The following AGPAT3 variants were observed in gnomAD, a reference collection of about 807,000 sequenced individuals.
AGPAT3 encodes the protein 1-acylglycerol-3-phosphate O-acyltransferase 3, also known as 1-acyl-sn-glycerol-3-phosphate acyltransferase gamma.
AGPAT3 carries 5 observed loss-of-function variants against 47.3 expected under a neutral mutation model. That is an observed-to-expected ratio of 0.11 (90% CI 0.06 to 0.22). AGPAT3 has a LOEUF of 0.22. Ranked by LOEUF, AGPAT3 falls within the 10% of genes least tolerant of loss-of-function variation. AGPAT3 has a pLI of 1.00. For missense variants in AGPAT3, 315 were observed against 493.0 expected (o/e 0.64, Z 3.42); for synonymous variants, 212 against 208.3 (o/e 1.02, Z -0.15).
At chr21:43,914,831 C>T (rs565828583) in intron 2 of AGPAT3, among the ~76,000 whole-genome samples, 5 of 152,246 alleles carry the variant, frequency 3.3e-5, no homozygotes, top group Admixed American at 6.5e-5. Context: ...CCTGAGCCAC[C>T]GTGCCCAGTA....
intron 1 of AGPAT3, among the ~76,000 whole-genome samples, chr21:43,893,846 A>G (rs1050851043): frequency 7.2e-5 from 11 of 152,340 alleles, no homozygotes; most frequent in Non-Finnish European, 1.2e-4. Flanking sequence ...TTATGGTAGG[A>G]ACATCAAAGA....
At chr21:43,883,329 A>G (rs1220830766) in intron 1 of AGPAT3, among the ~76,000 whole-genome samples, 2 of 152,196 alleles carry the variant, frequency 1.3e-5, no homozygotes, top group African/African-American at 4.8e-5. Flanking sequence ...CCCCAGGGAG[A>G]GGGCCTGTCC....
In AGPAT3 at chr21:43,969,112, C is replaced by T. The variant is rs745822084; in HGVS notation, c.349-6C>T. On this transcript the variant is annotated splice_region_variant and splice_polypyrimidine_tract_variant and intron_variant, in intron 4 of 9. Transcript: ENST00000291572. ...TGCCAGGTGCCCCTCCTTCTCCTCC[C>T]TCCAGAGCTCCAAGGTCCTCGCTAA... is the stretch of plus-strand genomic sequence containing the variant. 5.0e-6 allele frequency: 8 copies of T among 1,613,966 alleles called. No homozygotes were observed. In the African/African-American group the frequency reaches 1.1e-4, roughly 22 times the overall value.
chr21:43,926,270 G>A (rs1171627254), intron 2 of AGPAT3, among the ~76,000 whole-genome samples: 2 of 152,194 alleles, frequency 1.3e-5, no homozygotes, highest in Non-Finnish European at 2.9e-5. Context: ...GGTGAAATCT[G>A]GAGTGTTCTT....
intron 7 of AGPAT3, among the ~76,000 whole-genome samples, chr21:43,973,769 C>T (rs117009449): frequency 1.3e-5 from 2 of 152,326 alleles, no homozygotes; most frequent in East Asian, 3.9e-4. Flanking sequence ...TGGGGCTGGC[C>T]CTCTTTCCTC....
At chr21:43,907,008 G>A (rs541777002) in intron 2 of AGPAT3, among the ~76,000 whole-genome samples, 23 of 152,002 alleles carry the variant, frequency 1.5e-4, no homozygotes, top group Admixed American at 1.2e-3. Context: ...AGGGGCTGGC[G>A]AGGGTCTGTT....
At chr21:43,889,674 G>A (rs1472293799) in intron 1 of AGPAT3, among the ~76,000 whole-genome samples, 1 of 152,144 alleles carries the variant, frequency 6.6e-6, no homozygotes, top group Non-Finnish European at 1.5e-5. Context: ...CACCCTGAAC[G>A]TGCCTGATCT....
chr21:43,944,558 C>T (rs1435624283), intron 2 of AGPAT3, among the ~76,000 whole-genome samples: 2 of 152,234 alleles, frequency 1.3e-5, no homozygotes, highest in African/African-American at 2.4e-5. Flanking sequence ...CACTGATTGA[C>T]AGGGGAGAAA....
At position 43,959,768 on chromosome 21, in the gene AGPAT3, C is replaced by A; in HGVS notation, c.87C>A (p.Asn29Lys). The A allele has an allele frequency of 6.2e-7, 1 of 1,613,792 alleles. No individual in the cohort carries two copies. Among genetic ancestry groups the A allele is most frequent in the Non-Finnish European group, 8.5e-7 (1 of 1,179,948 alleles). ...FVFVVSGLVI[N>K]FVQLCTLALW... ...TCGTGGTGAGTGGTCTGGTCATCAA[C>A]TTCGTCCAGCTGTGCACGCTGGCGC... The change falls in exon 3 of 10, where the codon AAC (asparagine) becomes AAA (lysine). Residue 29 changes from asparagine to lysine, a missense_variant. Asn to Lys is a moderately conservative substitution (Grantham distance 94). Transcript: ENST00000291572.
intron 1 of AGPAT3, among the ~76,000 whole-genome samples, chr21:43,867,922 G>A (rs1365926429): frequency 1.3e-5 from 2 of 152,196 alleles, no homozygotes; most frequent in African/African-American, 4.8e-5. Context: ...AAGTGGTAAA[G>A]TAACATGACC....
rs1469586290 is a variant in AGPAT3, at chr21:43,952,893, C to G, written c.-48-6741C>G. Among the ~76,000 whole-genome samples the G allele has an allele frequency of 1.3e-5, 2 of 152,140 alleles. No homozygotes were observed. Among genetic ancestry groups the G allele is most frequent in the African/African-American group, 4.8e-5 (2 of 41,418 alleles). ...CCCACCCTGTGTGGCTCTTCTATCC[C>G]AGGCGTTCTCCAAGGTCCCCAGGGT... is the stretch of plus-strand genomic sequence containing the variant. On this transcript the variant is annotated intron_variant, in intron 2 of 9. Transcript: ENST00000291572. This position sits in a 1 kb window ranked among gnomAD's most constrained non-coding sequence, Gnocchi z 5.6.
At chr21:43,940,598 G>A (rs1000029972) in intron 2 of AGPAT3, among the ~76,000 whole-genome samples, 3 of 152,236 alleles carry the variant, frequency 2.0e-5, no homozygotes, top group Admixed American at 6.5e-5. Flanking sequence ...CATACCATCT[G>A]GGCGGTGTTT....
intron 6 of AGPAT3, 110 bp from the exon 7 acceptor site, chr21:43,971,278 G>A (rs751207877): frequency 1.9e-5 from 17 of 872,264 alleles, no homozygotes; most frequent in South Asian, 1.7e-4. Context: ...GACCCCTCAC[G>A]CGTTCTCCCC....
intron 1 of AGPAT3, among the ~76,000 whole-genome samples, chr21:43,897,549 G>A (rs74569275): frequency 0.06 from 8,394 of 138,892 alleles, 470 homozygotes; most frequent in African/African-American, 0.17. Context: ...CATCCCAGAG[G>A]GGGCGGCCGG....
At chr21:43,941,835 A>G (rs971170678) in intron 2 of AGPAT3, among the ~76,000 whole-genome samples, 2 of 152,276 alleles carry the variant, frequency 1.3e-5, no homozygotes, top group African/African-American at 2.4e-5. Context: ...TGGCTGAGCT[A>G]TGCAGTTTCA....
In AGPAT3 at chr21:43,926,974, G is replaced by GTC. The variant is rs1322437795; in HGVS notation, c.-49+22958_-49+22959dup. On this transcript the variant is annotated intron_variant, in intron 2 of 9. Transcript: ENST00000291572. ...AGTCTAGGCGACAGAGGAAGACTCTGTCTCAAAAAAAAAAAAAAAAAAAAA... is the reference window on the plus strand; with the variant it reads ...AGTCTAGGCGACAGAGGAAGACTCTGTCTCTCAAAAAAAAAAAAAAAAAAAAA... Among the ~76,000 whole-genome samples, 6 of 119,656 alleles carry GTC rather than the reference G, an allele frequency of 5.0e-5. No homozygotes were observed. The East Asian group carries it at 1.6e-3, about 32-fold the overall frequency. The allele number at this position is 119,656 out of a possible 152,430, so 78.5% of individuals were successfully genotyped here.
chr21:43,918,588 CTTT>C (rs35297249), intron 2 of AGPAT3, among the ~76,000 whole-genome samples: 10 of 130,382 alleles, frequency 7.7e-5, no homozygotes, highest in Admixed American at 7.8e-5. Context: ...AGACTGCTGG[CTTT>C]TTTTTTTTTT....
rs549216994 is a variant in AGPAT3 at position 43,943,086 on chromosome 21, G to T, written c.-48-16548G>T. Among the ~76,000 whole-genome samples the T allele has an allele frequency of 1.4e-4, 22 of 151,864 alleles. 1 individual carries two copies. In the South Asian group the frequency reaches 4.4e-3, roughly 30 times the overall value. Reference sequence around the variant, plus strand: ...ATTTTCTTTTTTTCTTTTTTTTGGTGGGGGGCGGGATGGAGTCTCGCTCTG... The same window carrying T: ...ATTTTCTTTTTTTCTTTTTTTTGGTTGGGGGCGGGATGGAGTCTCGCTCTG... On this transcript the variant is annotated intron_variant, in intron 2 of 9. Coordinates refer to ENST00000291572, the MANE Select transcript of AGPAT3 (RefSeq NM_020132.5).
Position 43,959,618 on chromosome 21 carries a change from G to A in AGPAT3, c.-48-16G>A, listed in dbSNP as rs1170909332. The A allele has an allele frequency of 2.5e-6, 4 of 1,601,832 alleles. No homozygotes were observed. The highest frequency in any genetic ancestry group is 4.5e-5 in the East Asian group (2 of 44,854). ...GCGTGGCCACCCTGACGCTGTCCCT[G>A]TCCCTGTCTTTGCAGGACGGCTGTC... On this transcript the variant is annotated splice_polypyrimidine_tract_variant and intron_variant, in intron 2 of 9. Transcript: ENST00000291572.
Sources: allele counts gnomAD v4.1 joint callset (sites outside exome capture counted in the v4.1 genomes callset), GRCh38; gene constraint gnomAD v4.1.1; non-coding constraint Gnocchi (gnomAD v3.1); transcripts MANE v1.5; gene names NCBI Gene and HGNC (gene_info 2026-07-23, HGNC 2026-07-21).